UNC5C: variants seen among roughly 807,000 people sequenced by gnomAD.
UNC5C encodes the protein unc-5 netrin receptor C.
A neutral mutation model predicts 99.8 loss-of-function variants in UNC5C; 47 were observed. The observed-to-expected ratio is 0.47, with a 90% CI of 0.37 to 0.60. UNC5C has a LOEUF of 0.60. Among genes scored for constraint, UNC5C ranks in the 20% least tolerant of loss-of-function variants. The probability of loss-of-function intolerance (pLI) is 0.00; values close to 1 mark genes in which losing one functional copy is unlikely to be tolerated. For synonymous variants in UNC5C, 487 were observed against 452.2 expected, an observed-to-expected ratio of 1.08 and a Z score of -0.98; for missense variants, 1,062 against 1,165.9, an observed-to-expected ratio of 0.91 and a Z score of 1.30.
chr4:95,518,539 T>C (rs558917721), intron 1 of UNC5C, among the ~76,000 whole-genome samples: 1 of 152,308 alleles, frequency 6.6e-6, no homozygotes, highest in South Asian at 2.1e-4. Flanking sequence ...CAATGTTACA[T>C]AGATAAATAC....
intron 1 of UNC5C, among the ~76,000 whole-genome samples, chr4:95,395,096 C>T (rs944470654): frequency 1.8e-4 from 28 of 152,154 alleles, no homozygotes; most frequent in African/African-American, 5.1e-4. Flanking sequence ...TGGAGCTCTC[C>T]ATGGTGGGCA....
intron 14 of UNC5C, among the ~76,000 whole-genome samples, chr4:95,181,264 A>ATCTT (rs1736600306): frequency 6.6e-6 from 1 of 152,208 alleles, no homozygotes; most frequent in African/African-American, 2.4e-5. Context: ...AAAAGAAGTA[A>ATCTT]TCTTTCCTCT....
chr4:95,200,870 C>A (rs917470246), intron 12 of UNC5C, among the ~76,000 whole-genome samples: 3 of 152,030 alleles, frequency 2.0e-5, no homozygotes, highest in Non-Finnish European at 2.9e-5. Context: ...TGTGCCCCCC[C>A]CAAATTCATA....
rs773698199 is a variant in UNC5C at position 95,169,225 on chromosome 4, G to C, written c.*9C>G. ...TTTTTGTCCTTCATTTCCCCTTCCA[G>C]CATGGTGGTTAATACTGCCCTTCTG... On this transcript the variant is annotated 3_prime_UTR_variant, in exon 16 of 16. Transcript: ENST00000453304. 3.1e-6 allele frequency: 5 copies of C among 1,613,192 alleles called. No individual in the cohort carries two copies. Among genetic ancestry groups the C allele is most frequent in the Non-Finnish European group, 4.2e-6 (5 of 1,179,354 alleles).
chr4:95,538,995 A>G (rs560286855), intron 1 of UNC5C, among the ~76,000 whole-genome samples: 1 of 152,194 alleles, frequency 6.6e-6, no homozygotes, highest in Non-Finnish European at 1.5e-5. Context: ...AGAAAATCAA[A>G]CATAACTCCA....
chr4:95,462,857 T>C (rs1747646366), intron 1 of UNC5C, among the ~76,000 whole-genome samples: 1 of 152,152 alleles, frequency 6.6e-6, no homozygotes, highest in African/African-American at 2.4e-5. Flanking sequence ...GACAGGCAGA[T>C]CACATAGTGC....
chr4:95,495,292 GT>G, intron 1 of UNC5C, among the ~76,000 whole-genome samples: 1 of 151,324 alleles, frequency 6.6e-6, no homozygotes. Context: ...TTGTAACTCT[GT>G]CAGTTTTAAG....
intron 2 of UNC5C, among the ~76,000 whole-genome samples, chr4:95,318,524 G>GA (rs756234676): frequency 6.6e-6 from 1 of 152,168 alleles, no homozygotes; most frequent in Non-Finnish European, 1.5e-5. Context: ...AAAAAGGTGA[G>GA]AAAAAACTGT....
chr4:95,212,572 G>A (rs770634219), intron 10 of UNC5C, among the ~76,000 whole-genome samples: 108 of 152,188 alleles, frequency 7.1e-4, no homozygotes, highest in Middle Eastern at 3.4e-3. Context: ...CTTCACAGGA[G>A]TATTTCTTAA....
chr4:95,279,564 C>G lies in UNC5C; in HGVS notation c.491-1202G>C, dbSNP rs998697079. The stretch of plus-strand genomic sequence containing the variant: ...TCTAAAGTTAGAAAATTAATTTAAT[C>G]ATAGAACTTTGAAGCAGCATTTTTT... On this transcript the variant is annotated intron_variant, in intron 3 of 15. Transcript: ENST00000453304. 4.6e-5 allele frequency among the ~76,000 whole-genome samples: 7 copies of G among 152,308 alleles called. No homozygotes were observed. In the East Asian group the frequency reaches 1.3e-3, roughly 29 times the overall value.
intron 4 of UNC5C, 114 bp from the exon 5 acceptor site, chr4:95,250,781 CTG>C (rs1739683866): frequency 1.9e-6 from 2 of 1,058,520 alleles, no homozygotes; most frequent in Non-Finnish European, 2.8e-6. Flanking sequence ...GAAGCGATAC[CTG>C]TGTTTTGTAA....
chr4:95,169,400 C>G lies in UNC5C; in HGVS notation c.2631-1G>C. ...TTTGGTGGCAAAGTAATTCAAGTACCTGTAATTGGGAAAGAGAAAATGTGC... is the reference window on the plus strand; with the variant it reads ...TTTGGTGGCAAAGTAATTCAAGTACGTGTAATTGGGAAAGAGAAAATGTGC... On this transcript the variant is annotated splice_acceptor_variant, in intron 15 of 15. Coordinates refer to ENST00000453304, the MANE Select transcript of UNC5C (RefSeq NM_003728.4). LOFTEE classifies it high-confidence loss of function. The G allele has an allele frequency of 6.2e-7, 1 of 1,613,814 alleles. No homozygotes were observed. The highest frequency in any genetic ancestry group is 8.5e-7 in the Non-Finnish European group (1 of 1,179,770).
chr4:95,324,667 C>G (rs180735616), intron 2 of UNC5C, among the ~76,000 whole-genome samples: 100 of 152,204 alleles, frequency 6.6e-4, no homozygotes, highest in Non-Finnish European at 9.4e-4. Context: ...GGAGGTGGGG[C>G]CTCTGGAAGG....
At chr4:95,414,488 A>C (rs1746101661) in intron 1 of UNC5C, among the ~76,000 whole-genome samples, 1 of 152,178 alleles carries the variant, frequency 6.6e-6, no homozygotes, top group African/African-American at 2.4e-5. Context: ...TCTTACCTGA[A>C]TTTATTGGCA....
chr4:95,522,255 A>G (rs1722379954), intron 1 of UNC5C, among the ~76,000 whole-genome samples: 1 of 152,134 alleles, frequency 6.6e-6, no homozygotes, highest in Non-Finnish European at 1.5e-5. Context: ...AAATAATTTA[A>G]AATATAAAAT....
chr4:95,171,361 C>T (rs973491252), intron 14 of UNC5C, among the ~76,000 whole-genome samples: 4 of 150,946 alleles, frequency 2.6e-5, no homozygotes, highest in African/African-American at 9.8e-5. Context: ...TTAGGTATAT[C>T]TCCCAATGCT....
intron 4 of UNC5C, among the ~76,000 whole-genome samples, chr4:95,263,435 A>T (rs17023376): frequency 0.12 from 18,974 of 152,206 alleles, 3,770 homozygotes; most frequent in African/African-American, 0.42. Flanking sequence ...CAAGCAAGAA[A>T]TTCTACCAGG....
intron 12 of UNC5C, among the ~76,000 whole-genome samples, chr4:95,195,398 G>A (rs540786152): frequency 3.9e-5 from 6 of 152,264 alleles, no homozygotes; most frequent in Middle Eastern, 6.8e-3. Flanking sequence ...TAATTCACAT[G>A]TTGCACATGT....
At chr4:95,326,662 CAA>C (rs1742894947) in intron 2 of UNC5C, among the ~76,000 whole-genome samples, 1 of 152,020 alleles carries the variant, frequency 6.6e-6, no homozygotes, top group Non-Finnish European at 1.5e-5. Context: ...GATGGAAAGG[CAA>C]AGAGTAATGG....
Sources: gnomAD v4.1 joint callset for allele counts (sites outside exome capture counted in the v4.1 genomes callset) on GRCh38, gnomAD v4.1.1 for gene constraint, MANE v1.5 for transcripts, NCBI Gene and HGNC (gene_info 2026-07-23, HGNC 2026-07-21) for gene names.